The following KSR1 variants were observed in gnomAD, a reference collection of about 807,000 sequenced individuals.
KSR1 encodes the protein kinase suppressor of ras.
In KSR1, 35 loss-of-function variants were observed where a neutral mutation model predicts 92.9. The ratio of observed to expected loss-of-function variants is 0.38; its 90% CI spans 0.29 to 0.50. The LOEUF is 0.50. Ranked by LOEUF, KSR1 falls within the 20% of genes least tolerant of loss-of-function variation. KSR1 has a pLI of 0.94. For missense variants in KSR1, 972 were observed against 1,158.5 expected (o/e 0.84, Z 2.34); for synonymous variants, 467 against 472.6 (o/e 0.99, Z 0.15).
chr17:27,587,943 A>G (rs893732704), intron 5 of KSR1, among the ~76,000 whole-genome samples: 2 of 152,148 alleles, frequency 1.3e-5, no homozygotes, highest in African/African-American at 2.4e-5. Flanking sequence ...TCCTCGTTCT[A>G]TCTGCCCATA....
At chr17:27,479,620 A>T (rs1219416426) in intron 1 of KSR1, among the ~76,000 whole-genome samples, 2 of 152,204 alleles carry the variant, frequency 1.3e-5, no homozygotes, top group Admixed American at 6.5e-5. Context: ...CAAGTGCTGC[A>T]GGACATGAGA....
chr17:27,503,586 G>T (rs1341239006), intron 1 of KSR1, among the ~76,000 whole-genome samples: 1 of 152,142 alleles, frequency 6.6e-6, no homozygotes, highest in African/African-American at 2.4e-5. Context: ...CCTGCTTGTG[G>T]TCGTTGGTGC....
intron 1 of KSR1, among the ~76,000 whole-genome samples, chr17:27,487,392 G>A (rs963584977): frequency 2.6e-5 from 4 of 152,210 alleles, no homozygotes; most frequent in East Asian, 3.9e-4. Flanking sequence ...CCGAGATCGC[G>A]CCTCTGCACA....
chr17:27,471,150 C>T (rs1407536842), intron 1 of KSR1, among the ~76,000 whole-genome samples: 1 of 152,208 alleles, frequency 6.6e-6, no homozygotes, highest in East Asian at 1.9e-4. Context: ...AAGGCGTGAG[C>T]CACCGTGCCG....
intron 18 of KSR1, among the ~76,000 whole-genome samples, chr17:27,614,685 A>T (rs1000710613): frequency 8.5e-5 from 13 of 152,212 alleles, no homozygotes; most frequent in African/African-American, 2.9e-4. Flanking sequence ...TCCTCAGATC[A>T]TTCTAGAGCA....
At chr17:27,457,802 G>A (rs1304724439) in intron 1 of KSR1, among the ~76,000 whole-genome samples, 3 of 152,112 alleles carry the variant, frequency 2.0e-5, no homozygotes, top group Admixed American at 6.6e-5. Context: ...TAGCTGCCCC[G>A]TCTTGAAGAA....
intron 2 of KSR1, among the ~76,000 whole-genome samples, chr17:27,574,375 A>G (rs2072425389): frequency 1.3e-5 from 2 of 152,164 alleles, no homozygotes; most frequent in Non-Finnish European, 2.9e-5. Context: ...CTTTAGTTTT[A>G]TCTTCTGGAA....
intron 1 of KSR1, among the ~76,000 whole-genome samples, chr17:27,518,380 A>C (rs1250553833): frequency 1.3e-5 from 2 of 152,188 alleles, no homozygotes; most frequent in African/African-American, 4.8e-5. Flanking sequence ...AATATTCTTA[A>C]AGAAAAAGGC....
chr17:27,465,502 G>A (rs2019652342), intron 1 of KSR1: 4 of 152,168 alleles, frequency 2.6e-5, no homozygotes, highest in South Asian at 4.2e-4. Context: ...GCGACATACT[G>A]AGACTCTGTC....
At chr17:27,545,692 G>C (rs1052881222) in intron 1 of KSR1, among the ~76,000 whole-genome samples, 36 of 152,236 alleles carry the variant, frequency 2.4e-4, no homozygotes, top group Admixed American at 2.6e-4. Flanking sequence ...TGGGCAGGGG[G>C]CTGGAGGGCT....
intron 4 of KSR1, among the ~76,000 whole-genome samples, chr17:27,584,538 C>G (rs1025022674): frequency 6.6e-6 from 1 of 152,204 alleles, no homozygotes; most frequent in Non-Finnish European, 1.5e-5. Flanking sequence ...TCACAGTGGG[C>G]TCAACCCAGT....
rs183161275 is a variant in KSR1 at position 27,588,901 on chromosome 17, G to A, written c.1046+366G>A. ...GAGTCCTGAAACTGGCCGCATATCA[G>A]AGTCCGCTGTAGAGCTTGTTGAAAA... is the stretch of plus-strand genomic sequence containing the variant. On this transcript the variant is annotated intron_variant, in intron 6 of 20. Transcript: ENST00000644974. Among the ~76,000 whole-genome samples, 14 of 152,342 alleles carry A rather than the reference G, an allele frequency of 9.2e-5. No individual in the cohort carries two copies. In the East Asian group the frequency reaches 2.7e-3, roughly 29 times the overall value.
intron 1 of KSR1, among the ~76,000 whole-genome samples, chr17:27,468,241 T>A (rs958288279): frequency 2.0e-5 from 3 of 151,982 alleles, no homozygotes; most frequent in African/African-American, 4.8e-5. Flanking sequence ...GCCAATTATT[T>A]TTTTTTTTTT....
chr17:27,530,992 T>C (rs1308122340), intron 1 of KSR1, among the ~76,000 whole-genome samples: 3 of 152,204 alleles, frequency 2.0e-5, no homozygotes, highest in African/African-American at 4.8e-5. Context: ...TGTGCTTCCA[T>C]TGTTGGGGCT....
At chr17:27,480,111 T>G (rs9895839) in intron 1 of KSR1, among the ~76,000 whole-genome samples, 137,574 of 152,200 alleles carry the variant, frequency 0.9, 62,230 homozygotes, top group East Asian at 1. Context: ...CAAAGTCAAG[T>G]CCCTAGCTTC....
intron 1 of KSR1, among the ~76,000 whole-genome samples, chr17:27,497,664 C>T (rs143636034): frequency 2.6e-5 from 4 of 152,262 alleles, no homozygotes; most frequent in African/African-American, 9.6e-5. Context: ...ACTAGTGTCT[C>T]CTTTATGGCA....
chr17:27,462,658 CAG>C (rs2019503126), intron 1 of KSR1, among the ~76,000 whole-genome samples: 1 of 152,206 alleles, frequency 6.6e-6, no homozygotes, highest in Admixed American at 6.5e-5. Flanking sequence ...CTCTGATAAA[CAG>C]TGTATTCTTT....
At chr17:27,575,502 G>T (rs1050335887) in intron 2 of KSR1, among the ~76,000 whole-genome samples, 1 of 152,172 alleles carries the variant, frequency 6.6e-6, no homozygotes, top group African/African-American at 2.4e-5. Context: ...GTTTTGGCTG[G>T]CTTCTTTAGC....
chr17:27,575,362 G>A (rs2072465157), intron 2 of KSR1, among the ~76,000 whole-genome samples: 1 of 152,208 alleles, frequency 6.6e-6, no homozygotes, highest in Non-Finnish European at 1.5e-5. Flanking sequence ...TCTGGGCATT[G>A]CCATGGCATT....
Sources: gnomAD v4.1 joint callset for allele counts (sites outside exome capture counted in the v4.1 genomes callset) on GRCh38, gnomAD v4.1.1 for gene constraint, MANE v1.5 for transcripts, NCBI Gene and HGNC (gene_info 2026-07-23, HGNC 2026-07-21) for gene names.